Variants in TRA2B observed in about 807,000 individuals in gnomAD.
TRA2B encodes the protein transformer-2 protein homolog beta.
TRA2B carries 14 observed loss-of-function variants against 41.7 expected under a neutral mutation model. That is an observed-to-expected ratio of 0.34 (90% CI 0.22 to 0.53). The LOEUF is 0.53. TRA2B is among the 20% of genes least tolerant of loss of function. The pLI is 0.95. For synonymous variants in TRA2B, 130 were observed against 128.8 expected, an observed-to-expected ratio of 1.01 and a Z score of -0.06; for missense variants, 167 against 396.8, an observed-to-expected ratio of 0.42 and a Z score of 4.92.
chr3:185,921,881 G>A (rs1416911731), intron 5 of TRA2B, 130 bp downstream of exon 5: 2 of 578,912 alleles, frequency 3.5e-6, no homozygotes, highest in Admixed American at 3.3e-5. Context: ...ATGCCCTAAT[G>A]AGGAGCATTT....
At chr3:185,936,203 T>C in intron 1 of TRA2B, 1 of 985,426 alleles carries the variant, frequency 1.0e-6, no homozygotes, top group African/African-American at 1.7e-5. Flanking sequence ...ATTGAATTTT[T>C]CTGTTTAATA....
chr3:185,937,762 G>A, intron 1 of TRA2B, 63 bp downstream of exon 1: 3 of 1,610,356 alleles, frequency 1.9e-6, no homozygotes, highest in Non-Finnish European at 2.5e-6. Flanking sequence ...GAGGCCGACG[G>A]GCCTAGAAAA....
intron 8 of TRA2B, among the ~76,000 whole-genome samples, 175 bp downstream of exon 8, chr3:185,918,190 G>C (rs1743577016): frequency 6.6e-6 from 1 of 152,094 alleles, no homozygotes; most frequent in Non-Finnish European, 1.5e-5. Flanking sequence ...AAAAATAATA[G>C]GATTCTAAGG....
At chr3:185,934,443 T>A (rs1467226967) in intron 1 of TRA2B, 1 of 985,320 alleles carries the variant, frequency 1.0e-6, no homozygotes, top group African/African-American at 1.7e-5. Context: ...TAAAATCACC[T>A]GTAATGTCAG....
At position 185,935,433 on chromosome 3, in the gene TRA2B, ATT is replaced by A. The variant is rs1395982682; in HGVS notation, c.36+2390_36+2391del. ...CATTATATTCACCCAAATGTATTCT[ATT>A]GAGTGATCAAACTGAGAATAATTTA... is the stretch of plus-strand genomic sequence containing the variant. On this transcript the variant is annotated intron_variant, in intron 1 of 8. Coordinates refer to ENST00000453386, the MANE Select transcript of TRA2B (RefSeq NM_004593.3). 3.0e-6 allele frequency: 3 copies of A among 985,258 alleles called. No individual in the cohort carries two copies. The African/African-American group carries it at 5.2e-5, about 17-fold the overall frequency. 61.0% of individuals were successfully genotyped at this position (985,258 alleles called of 1,614,324 possible).
At chr3:185,920,099 C>G (rs1186180654) in intron 6 of TRA2B, among the ~76,000 whole-genome samples, 1 of 152,118 alleles carries the variant, frequency 6.6e-6, no homozygotes, top group Non-Finnish European at 1.5e-5. Context: ...ATTGACATTT[C>G]CCTACCCAAA....
intron 2 of TRA2B, 66 bp from the exon 3 acceptor site, chr3:185,925,692 C>G: frequency 6.7e-7 from 1 of 1,485,458 alleles, no homozygotes; most frequent in Non-Finnish European, 9.0e-7. Flanking sequence ...TTACTCTGTT[C>G]TAAAGTTAAA....
intron 1 of TRA2B, among the ~76,000 whole-genome samples, chr3:185,933,293 C>G (rs1317004695): frequency 6.6e-6 from 1 of 152,150 alleles, no homozygotes; most frequent in African/African-American, 2.4e-5. Flanking sequence ...CTGGTTCCTT[C>G]TCTTATAGTC....
At chr3:185,924,830 G>GA (rs1285593125) in intron 3 of TRA2B, 1 of 152,104 alleles carries the variant, frequency 6.6e-6, no homozygotes, top group Non-Finnish European at 1.5e-5. Context: ...ATGACAAGAG[G>GA]AAAGAATAAA....
intron 2 of TRA2B, among the ~76,000 whole-genome samples, 185 bp downstream of exon 2, chr3:185,926,416 C>A (rs898343558): frequency 6.6e-6 from 1 of 152,176 alleles, no homozygotes; most frequent in African/African-American, 2.4e-5. Flanking sequence ...ATAGAAAACC[C>A]TGACTCCAAA....
chr3:185,919,968 T>C (rs1372419926), intron 6 of TRA2B, among the ~76,000 whole-genome samples: 1 of 152,222 alleles, frequency 6.6e-6, no homozygotes, highest in Non-Finnish European at 1.5e-5. Flanking sequence ...CAATACTTAC[T>C]AACTACATTA....
At chr3:185,936,890 A>G (rs1744381691) in intron 1 of TRA2B, 1 of 985,360 alleles carries the variant, frequency 1.0e-6, no homozygotes, top group Non-Finnish European at 1.2e-6. Flanking sequence ...CCGCAATTCA[A>G]TCAACCCTCA....
intron 1 of TRA2B, among the ~76,000 whole-genome samples, chr3:185,929,819 TTGAC>T (rs1193927559): frequency 6.6e-6 from 1 of 152,346 alleles, no homozygotes; most frequent in African/African-American, 2.4e-5. Context: ...TCTGACTTAC[TTGAC>T]TTAGTCAACC....
chr3:185,920,229 G>T (rs5021036), intron 6 of TRA2B, among the ~76,000 whole-genome samples: 2,336 of 152,284 alleles, frequency 0.015, 65 homozygotes, highest in African/African-American at 0.05. Flanking sequence ...TGCCCTCAGT[G>T]TACGATGCAT....
chr3:185,931,925 AG>A (rs1187750062), intron 1 of TRA2B: 3 of 1,076,858 alleles, frequency 2.8e-6, no homozygotes, highest in Non-Finnish European at 3.7e-6. Context: ...AACTGAAACT[AG>A]AAAAAAAAAA....
At chr3:185,935,392 C>A (rs888120860) in intron 1 of TRA2B, 10 of 985,356 alleles carry the variant, frequency 1.0e-5, no homozygotes, top group Non-Finnish European at 1.1e-5. Context: ...GAGGGACACA[C>A]CAGTTCTTTA....
chr3:185,934,455 T>G, intron 1 of TRA2B: 1 of 985,448 alleles, frequency 1.0e-6, no homozygotes, highest in South Asian at 4.7e-5. Context: ...TAATGTCAGC[T>G]TGAAAATGTC....
intron 1 of TRA2B, chr3:185,934,827 G>GAT (rs1400910222): frequency 5.1e-6 from 5 of 985,420 alleles, no homozygotes; most frequent in Non-Finnish European, 6.0e-6. Context: ...CATCTCTAAT[G>GAT]ATAAAGATTA....
At chr3:185,934,642 G>C (rs1744278838) in intron 1 of TRA2B, 3 of 985,342 alleles carry the variant, frequency 3.0e-6, no homozygotes, top group South Asian at 9.4e-5. Context: ...TGAGATGGCT[G>C]CAATTCTTTA....
Sources: allele counts gnomAD v4.1 joint callset (sites outside exome capture counted in the v4.1 genomes callset), GRCh38; gene constraint gnomAD v4.1.1; transcripts MANE v1.5; gene names NCBI Gene and HGNC (gene_info 2026-07-23, HGNC 2026-07-21).